The following GABRB3 variants were observed in gnomAD, a reference collection of about 807,000 sequenced individuals.
GABRB3 encodes gamma-aminobutyric acid type A receptor subunit beta3.
Under a neutral mutation model 52.1 loss-of-function variants are expected in GABRB3, and 14 were observed. The observed-to-expected ratio is 0.27, with a 90% CI of 0.18 to 0.42. The LOEUF (loss-of-function observed/expected upper bound fraction) is 0.42. GABRB3 is among the 10% of genes least tolerant of loss of function. GABRB3 has a pLI of 1.00. For missense variants in GABRB3, 307 were observed against 609.1 expected (o/e 0.50, Z 5.22); for synonymous variants, 260 against 232.3 (o/e 1.12, Z -1.08).
At chr15:26,581,205 A>T (rs1168662267) in intron 5 of GABRB3, 1 of 155,540 alleles carries the variant, frequency 6.4e-6, no homozygotes, top group East Asian at 1.9e-4. Flanking sequence ...AACACCCAGG[A>T]GTCTCCTAAA....
intron 3 of GABRB3, among the ~76,000 whole-genome samples, chr15:26,761,844 A>T (rs1049894620): frequency 6.6e-6 from 1 of 151,898 alleles, no homozygotes; most frequent in African/African-American, 2.4e-5. Context: ...TTATTTATTT[A>T]TTTATTTAGA....
rs188694722 is a variant in GABRB3, at chr15:26,626,816, T to G, written c.241-5282A>C. ...TAAAAGTGCAAGGTGAAGCAGCAAG[T>G]GCTGATGGAGAAGCTGCAGCAAGTT... On this transcript the variant is annotated intron_variant, in intron 3 of 8. Coordinates refer to ENST00000311550, the MANE Select transcript of GABRB3 (RefSeq NM_000814.6). Among the ~76,000 whole-genome samples the G allele has an allele frequency of 2.7e-4, 41 of 152,318 alleles. 1 individual carries two copies. The East Asian group carries it at 7.1e-3, about 27-fold the overall frequency.
intron 3 of GABRB3, among the ~76,000 whole-genome samples, chr15:26,651,847 T>A (rs547363302): frequency 6.6e-6 from 1 of 152,300 alleles, no homozygotes; most frequent in African/African-American, 2.4e-5. Flanking sequence ...CTTTGACATA[T>A]TTTGAAATGG....
chr15:26,632,483 C>T (rs1419464796), intron 3 of GABRB3, among the ~76,000 whole-genome samples: 1 of 152,176 alleles, frequency 6.6e-6, no homozygotes, highest in Non-Finnish European at 1.5e-5. Context: ...CTTTATAAGT[C>T]TAAAAAGATA....
intron 3 of GABRB3, among the ~76,000 whole-genome samples, chr15:26,678,811 G>A (rs1472397365): frequency 6.6e-6 from 1 of 152,178 alleles, no homozygotes; most frequent in Non-Finnish European, 1.5e-5. Flanking sequence ...GGGGGCTGGT[G>A]TTTCTCTGTC....
At chr15:26,641,287 G>T (rs1027215013) in intron 3 of GABRB3, among the ~76,000 whole-genome samples, 5 of 152,226 alleles carry the variant, frequency 3.3e-5, no homozygotes, top group Non-Finnish European at 5.9e-5. Context: ...CTTGCTCGCT[G>T]CATGCTACGA....
chr15:26,563,487 T>C (rs543066558), intron 7 of GABRB3, among the ~76,000 whole-genome samples: 1 of 152,344 alleles, frequency 6.6e-6, no homozygotes, highest in African/African-American at 2.4e-5. Flanking sequence ...TGTGTTGTGG[T>C]GGTCCACAGC....
At chr15:26,701,882 A>G (rs879567136) in intron 3 of GABRB3, among the ~76,000 whole-genome samples, 5 of 152,252 alleles carry the variant, frequency 3.3e-5, no homozygotes, top group Admixed American at 1.3e-4. Flanking sequence ...ATAACTATAC[A>G]TGGAGAGATC....
intron 3 of GABRB3, chr15:26,716,908 AC>A: frequency 1.2e-6 from 1 of 856,194 alleles, no homozygotes; most frequent in Non-Finnish European, 1.5e-6. Flanking sequence ...CCACCCAACC[AC>A]AGCCTAGCTC....
At chr15:26,642,036 C>G (rs566836585) in intron 3 of GABRB3, among the ~76,000 whole-genome samples, 2 of 152,042 alleles carry the variant, frequency 1.3e-5, no homozygotes, top group African/African-American at 4.8e-5. Context: ...ACTACAGGCC[C>G]TCACCTCTGT....
At chr15:26,667,335 C>G (rs1375381779) in intron 3 of GABRB3, among the ~76,000 whole-genome samples, 2 of 152,116 alleles carry the variant, frequency 1.3e-5, no homozygotes, top group Non-Finnish European at 2.9e-5. Flanking sequence ...CTAGTAGGAT[C>G]TGGGGGTGAC....
chr15:26,721,270 C>T (rs1444029867), intron 3 of GABRB3, among the ~76,000 whole-genome samples: 1 of 152,134 alleles, frequency 6.6e-6, no homozygotes, highest in Non-Finnish European at 1.5e-5. Context: ...GCAGGAGAAG[C>T]TCTGGAAACA....
At chr15:26,744,915 C>T (rs1890298544) in intron 3 of GABRB3, among the ~76,000 whole-genome samples, 2 of 152,112 alleles carry the variant, frequency 1.3e-5, no homozygotes, top group South Asian at 2.1e-4. Flanking sequence ...ATACCTAAAA[C>T]TTGGTAATTT....
At chr15:26,685,805 T>TG (rs1227180966) in intron 3 of GABRB3, among the ~76,000 whole-genome samples, 1 of 150,734 alleles carries the variant, frequency 6.6e-6, no homozygotes, top group African/African-American at 2.4e-5. Context: ...TGGTCTTTTT[T>TG]TTTTTTTTTT....
chr15:26,606,481 T>C (rs1223566786), intron 4 of GABRB3, among the ~76,000 whole-genome samples: 1 of 151,942 alleles, frequency 6.6e-6, no homozygotes, highest in Non-Finnish European at 1.5e-5. Flanking sequence ...TCTCAACATA[T>C]TAGGAATAGA....
In GABRB3 at chr15:26,555,909, A is replaced by AT. The variant is rs923698434; in HGVS notation, c.1080+5022dup. Reference sequence around the variant, plus strand: ...AAATTTCCACAAAAATTACTCATGGATTTTTTTTTCTGAAAGAACTAAAGG... The same window carrying AT: ...AAATTTCCACAAAAATTACTCATGGATTTTTTTTTTCTGAAAGAACTAAAGG... On this transcript the variant is annotated intron_variant, in intron 8 of 8. Coordinates refer to ENST00000311550, the MANE Select transcript of GABRB3 (RefSeq NM_000814.6). Among the ~76,000 whole-genome samples the AT allele has an allele frequency of 1.1e-3, 170 of 151,830 alleles. 3 individuals are homozygous for AT. In the East Asian group the frequency reaches 0.03, roughly 27 times the overall value.
intron 4 of GABRB3, among the ~76,000 whole-genome samples, chr15:26,604,974 C>T (rs1891727230): frequency 1.3e-5 from 2 of 152,068 alleles, no homozygotes; most frequent in South Asian, 4.1e-4. Flanking sequence ...AACAAAGTAA[C>T]AGAATAAGCC....
At chr15:26,552,084 G>T (rs950963556) in intron 8 of GABRB3, among the ~76,000 whole-genome samples, 1 of 151,444 alleles carries the variant, frequency 6.6e-6, no homozygotes, top group Non-Finnish European at 1.5e-5. Flanking sequence ...TCAGCTCACC[G>T]CAACCTCCTC....
chr15:26,594,862 G>A (rs570446978), intron 4 of GABRB3, among the ~76,000 whole-genome samples: 2 of 152,082 alleles, frequency 1.3e-5, no homozygotes, highest in Non-Finnish European at 2.9e-5. Context: ...TGAAACAAAC[G>A]AAGAAAAAAC....
Sources: allele counts gnomAD v4.1 joint callset (sites outside exome capture counted in the v4.1 genomes callset), GRCh38; gene constraint gnomAD v4.1.1; transcripts MANE v1.5; gene names NCBI Gene and HGNC (gene_info 2026-07-23, HGNC 2026-07-21).